The following SHTN1 variants were observed in gnomAD, a reference collection of about 807,000 sequenced individuals.
SHTN1 encodes shootin-1.
In SHTN1, 42 loss-of-function variants were observed where a neutral mutation model predicts 83.1. The observed-to-expected ratio is 0.51, with a 90% CI of 0.39 to 0.65. The LOEUF is 0.65. SHTN1 is among the 30% of genes least tolerant of loss of function. The pLI is 0.00. For synonymous variants in SHTN1, 224 were observed against 247.7 expected (o/e 0.90, Z 0.90); for missense variants, 622 against 737.8 (o/e 0.84, Z 1.82).
At chr10:117,098,221 T>C (rs1420028841) in intron 1 of SHTN1, among the ~76,000 whole-genome samples, 3 of 64,306 alleles carry the variant, frequency 4.7e-5, no homozygotes, top group African/African-American at 8.5e-5. Context: ...ATCCCGTCTC[T>C]ACTAAAAAAA....
chr10:117,052,578 T>C (rs1044445033), intron 1 of SHTN1, among the ~76,000 whole-genome samples: 8 of 152,182 alleles, frequency 5.3e-5, no homozygotes, highest in Non-Finnish European at 1.2e-4. Flanking sequence ...TAAGGATGGA[T>C]ATATAGATCG....
At chr10:116,969,837 A>G (rs1439351101) in intron 2 of SHTN1, among the ~76,000 whole-genome samples, 1 of 152,186 alleles carries the variant, frequency 6.6e-6, no homozygotes, top group African/African-American at 2.4e-5. Context: ...TAAAACAGGG[A>G]TATATAACAA....
At chr10:117,042,779 C>A (rs1300922990) in intron 2 of SHTN1, among the ~76,000 whole-genome samples, 1 of 152,040 alleles carries the variant, frequency 6.6e-6, no homozygotes, top group Non-Finnish European at 1.5e-5. Flanking sequence ...CCACACCCAG[C>A]TAATTTTTGT....
intron 2 of SHTN1, among the ~76,000 whole-genome samples, chr10:117,011,370 T>C (rs1852100406): frequency 6.6e-6 from 1 of 152,206 alleles, no homozygotes; most frequent in East Asian, 1.9e-4. Flanking sequence ...CCCCATTGAG[T>C]GGTCTTGGTA....
chr10:116,890,013 C>T (rs994766985), intron 16 of SHTN1, among the ~76,000 whole-genome samples: 1 of 152,136 alleles, frequency 6.6e-6, no homozygotes, highest in African/African-American at 2.4e-5. Context: ...AGAGCCGCAT[C>T]AGTGATGGTG....
At chr10:117,003,022 C>T (rs1363312015) in intron 1 of SHTN1, among the ~76,000 whole-genome samples, 1 of 152,070 alleles carries the variant, frequency 6.6e-6, no homozygotes, top group East Asian at 1.9e-4. Flanking sequence ...GAATGTGTTC[C>T]GAAATCAAAT....
chr10:117,013,245 G>C (rs1852134659), intron 2 of SHTN1, among the ~76,000 whole-genome samples: 1 of 152,064 alleles, frequency 6.6e-6, no homozygotes, highest in Non-Finnish European at 1.5e-5. Context: ...TACCATCTCG[G>C]CTCACTGCAA....
intron 2 of SHTN1, among the ~76,000 whole-genome samples, chr10:117,011,009 G>C (rs1449397121): frequency 1.3e-5 from 2 of 152,138 alleles, no homozygotes; most frequent in Non-Finnish European, 2.9e-5. Context: ...CTGAAATTAG[G>C]AACGAGACAA....
chr10:117,012,485 A>C (rs1852121385), intron 2 of SHTN1, among the ~76,000 whole-genome samples: 1 of 152,112 alleles, frequency 6.6e-6, no homozygotes, highest in African/African-American at 2.4e-5. Context: ...AAGTAACAAA[A>C]CCAATTCAAT....
intron 2 of SHTN1, among the ~76,000 whole-genome samples, chr10:117,045,509 C>A (rs1381689539): frequency 2.6e-5 from 4 of 152,070 alleles, no homozygotes; most frequent in Admixed American, 2.6e-4. Flanking sequence ...ATTCCACATC[C>A]CAGACCTTAT....
intron 1 of SHTN1, among the ~76,000 whole-genome samples, chr10:117,106,730 T>C (rs931530436): frequency 6.6e-6 from 1 of 152,166 alleles, no homozygotes; most frequent in African/African-American, 2.4e-5. Flanking sequence ...ATTTCTTTCC[T>C]TCTAATTCTT....
chr10:116,918,891 T>C (rs1197403143), intron 12 of SHTN1, among the ~76,000 whole-genome samples: 1 of 152,212 alleles, frequency 6.6e-6, no homozygotes, highest in Non-Finnish European at 1.5e-5. Flanking sequence ...GCCTAACAAA[T>C]ACATTCTTGT....
At chr10:116,944,032 G>A (rs1849483420) in intron 8 of SHTN1, among the ~76,000 whole-genome samples, 1 of 152,184 alleles carries the variant, frequency 6.6e-6, no homozygotes, top group Admixed American at 6.5e-5. Context: ...GTAGGCTGGT[G>A]AAACGCTGAG....
chr10:117,005,196 A>G (rs1851973229), upstream of SHTN1: 1 of 1,529,410 alleles, frequency 6.5e-7, no homozygotes, highest in Admixed American at 2.0e-5. Context: ...CGGAAGTTGG[A>G]TCCGCTCCCG....
At chr10:117,038,653 A>C (rs1852537808) in intron 2 of SHTN1, among the ~76,000 whole-genome samples, 1 of 152,226 alleles carries the variant, frequency 6.6e-6, no homozygotes, top group South Asian at 2.1e-4. Context: ...GAAAACAAAC[A>C]ACTCAGTGAA....
chr10:116,927,933 A>C, intron 10 of SHTN1, 42 bp from the exon 11 acceptor site: 1 of 1,607,792 alleles, frequency 6.2e-7, no homozygotes, highest in Non-Finnish European at 8.5e-7. Flanking sequence ...TGAAATAAGC[A>C]ACTAAACATT....
chr10:117,009,133 A>C (rs1852064356), upstream of SHTN1, among the ~76,000 whole-genome samples: 1 of 152,164 alleles, frequency 6.6e-6, no homozygotes, highest in African/African-American at 2.4e-5. Context: ...AGAAAAGAAA[A>C]GAAAATATCA....
chr10:116,953,836 C>T (rs1849877743), intron 5 of SHTN1, among the ~76,000 whole-genome samples: 1 of 151,874 alleles, frequency 6.6e-6, no homozygotes, highest in African/African-American at 2.4e-5. Flanking sequence ...ACCAGGTTGG[C>T]CAAGTTGGTC....
At position 116,960,245 on chromosome 10, in the gene SHTN1, GA is replaced by G. The variant is rs747597316; in HGVS notation, c.173-16del. ...CATGTGAGAAACTAGGAATGAGGGG[GA>G]AAAAAAATCTCAGCATTCAAAGATT... On this transcript the variant is annotated splice_polypyrimidine_tract_variant and intron_variant, in intron 3 of 16. Coordinates refer to ENST00000355371, the MANE Select transcript of SHTN1 (RefSeq NM_001127211.3). 41 of 1,427,962 alleles carry G rather than the reference GA, an allele frequency of 2.9e-5. No individual in the cohort carries two copies. Among genetic ancestry groups the G allele is most frequent in the Admixed American group, 8.5e-5 (5 of 58,690 alleles). 88.5% of individuals were successfully genotyped at this position (1,427,962 alleles called of 1,614,324 possible).
Sources: gnomAD v4.1 joint callset for allele counts (sites outside exome capture counted in the v4.1 genomes callset) on GRCh38, gnomAD v4.1.1 for gene constraint, MANE v1.5 for transcripts, NCBI Gene and HGNC (gene_info 2026-07-23, HGNC 2026-07-21) for gene names.